Variants in C4orf50 observed in about 807,000 individuals in gnomAD.
The protein encoded by C4orf50 is chromosome 4 open reading frame 50.
Under a neutral mutation model 77.2 loss-of-function variants are expected in C4orf50, and 80 were observed. The ratio of observed to expected loss-of-function variants is 1.04; its 90% confidence interval spans 0.87 to 1.25. C4orf50 has a LOEUF of 1.25. Ranked by LOEUF, C4orf50 falls within the 50% of genes most tolerant of loss-of-function variation. The pLI is 0.00. For synonymous variants in C4orf50, 532 were observed against 465.3 expected (o/e 1.14, Z -1.84); for missense variants, 1,257 against 1,152.9 (o/e 1.09, Z -1.31).
At chr4:5,966,624 GTTATAA>G (rs1719582520) in intron 32 of C4orf50, among the ~76,000 whole-genome samples, 4 of 150,674 alleles carry the variant, frequency 2.7e-5, no homozygotes, top group Admixed American at 6.6e-5. Context: ...GAATTATACA[GTTATAA>G]TTATATGAAA....
At chr4:5,964,245 C>G (rs1170613221) in intron 33 of C4orf50, among the ~76,000 whole-genome samples, 1 of 152,146 alleles carries the variant, frequency 6.6e-6, no homozygotes, top group African/African-American at 2.4e-5. Flanking sequence ...TTGGGGCCGA[C>G]AGGGGAAAGG....
chr4:6,008,981 C>A lies in C4orf50; in HGVS notation c.427-449G>T, dbSNP rs1183642852. Among the ~76,000 whole-genome samples the A allele has an allele frequency of 6.6e-6, 1 of 152,228 alleles. No homozygotes were observed. Among genetic ancestry groups the A allele is most frequent in the Non-Finnish European group, 1.5e-5 (1 of 68,050 alleles). On this transcript the variant is annotated intron_variant, in intron 24 of 33. Coordinates refer to ENST00000531445, the Ensembl canonical transcript of C4orf50. This position sits in a 1 kb window ranked among gnomAD's most constrained non-coding sequence, Gnocchi z 6.0. ...CTACCTACAGGGTCAATGCTTGGCC[C>A]ACCCAGGGTCAGCTGGCCCCAGCAG...
At chr4:5,973,578 G>T in intron 31 of C4orf50, 81 bp downstream of exon 9, 1 of 1,193,852 alleles carries the variant, frequency 8.4e-7, no homozygotes, top group Non-Finnish European at 1.2e-6. Flanking sequence ...AGGAGGGGCT[G>T]CTCCAGTCAG....
At chr4:5,986,767 G>A (rs1255811719) in intron 28 of C4orf50, among the ~76,000 whole-genome samples, 1 of 152,050 alleles carries the variant, frequency 6.6e-6, no homozygotes, top group Non-Finnish European at 1.5e-5. Context: ...TCGAACTCCT[G>A]ACCTCATGAT....
At position 5,928,056 on chromosome 4, in the gene C4orf50, G is replaced by A. The variant is rs577052133; in HGVS notation, c.*2474+28845C>T. Among the ~76,000 whole-genome samples, 172 of 152,300 alleles carry A rather than the reference G, an allele frequency of 1.1e-3. 1 individual carries two copies. The highest frequency in any genetic ancestry group is 5.4e-4 in the Non-Finnish European group (37 of 68,040). ...TCCTGCAGGCCTCTGCAAATACGGA[G>A]CTCACATTAATGCGTGGAACTTGCA... is the stretch of plus-strand genomic sequence containing the variant. On this transcript the variant is annotated intron_variant, in intron 7 of 7. Transcript: ENST00000324058.
At chr4:5,936,583 A>G (rs1285719871) in intron 7 of C4orf50, among the ~76,000 whole-genome samples, 1 of 149,306 alleles carries the variant, frequency 6.7e-6, no homozygotes, top group African/African-American at 2.4e-5. Flanking sequence ...AAAAAAAAAA[A>G]GAAAGACAGA....
At chr4:5,910,536 A>G (rs1054154103) in intron 7 of C4orf50, among the ~76,000 whole-genome samples, 1 of 152,214 alleles carries the variant, frequency 6.6e-6, no homozygotes, top group Non-Finnish European at 1.5e-5. Flanking sequence ...TTCCTAAGGA[A>G]TTATCTAGAG....
At chr4:5,989,440 G>A (rs1426292712) in exon 28 of C4orf50, 23 of 1,536,010 alleles carry the variant, frequency 1.5e-5, no homozygotes, top group Admixed American at 9.8e-5. Flanking sequence ...TTTAGACTTC[G>A]CTTCTTCATT....
At chr4:5,988,698 C>T (rs1407266335) in exon 28 of C4orf50, 15 of 1,536,098 alleles carry the variant, frequency 9.8e-6, no homozygotes, top group African/African-American at 1.4e-5. Flanking sequence ...GCTCCCTTCC[C>T]CTCACCAAAC....
intron 25 of C4orf50, among the ~76,000 whole-genome samples, chr4:5,997,977 A>T (rs1392564649): frequency 2.6e-5 from 4 of 152,236 alleles, no homozygotes; most frequent in Non-Finnish European, 5.9e-5. Flanking sequence ...ATTTTTACCA[A>T]CTATAAGCAG....
intron 7 of C4orf50, among the ~76,000 whole-genome samples, chr4:5,948,144 T>C (rs1560557461): frequency 6.6e-6 from 1 of 152,108 alleles, no homozygotes; most frequent in Non-Finnish European, 1.5e-5. Flanking sequence ...GAGCAGGCAG[T>C]TAGTAAATGC....
In C4orf50 at chr4:5,990,002, A is replaced by G. The variant is rs371561061; in HGVS notation, c.2044T>C (p.Trp682Arg). Residue 682 changes from tryptophan to arginine, a missense_variant, in exon 28 of 34, where the codon TGG becomes CGG. Physicochemically the swap from Trp to Arg is moderately radical, Grantham distance 101 (BLOSUM62 -3). Coordinates refer to ENST00000531445, the Ensembl canonical transcript of C4orf50. ...GCGAGGAGCTGACTGTCTGTTGGCC[A>G]TGGCTCTTTGGTCTCATGAGCCCTG... is the stretch of plus-strand genomic sequence containing the variant. 7.1e-6 allele frequency: 10 copies of G among 1,400,940 alleles called. No homozygotes were observed. In the South Asian group the frequency reaches 7.2e-5, roughly 10 times the overall value. 86.8% of individuals were successfully genotyped at this position (1,400,940 alleles called of 1,614,324 possible). A position where few individuals can be genotyped will look rare whatever the true frequency, so the allele number is the denominator to read the frequency against.
chr4:6,004,128 A>ATGATGG (rs1301272158), intron 25 of C4orf50, among the ~76,000 whole-genome samples: 1 of 81,008 alleles, frequency 1.2e-5, no homozygotes, highest in Non-Finnish European at 2.5e-5. Flanking sequence ...GGTGATAGTG[A>ATGATGG]TGATGGTGAT....
At chr4:5,944,191 C>T (rs1421129050) in intron 7 of C4orf50, among the ~76,000 whole-genome samples, 2 of 152,204 alleles carry the variant, frequency 1.3e-5, no homozygotes, top group African/African-American at 4.8e-5. Flanking sequence ...TCATAGTGGA[C>T]AGTCTCTAAG....
downstream of C4orf50, among the ~76,000 whole-genome samples, chr4:5,953,413 C>T (rs1044589006): frequency 1.3e-5 from 2 of 152,230 alleles, no homozygotes; most frequent in Non-Finnish European, 2.9e-5. Flanking sequence ...ATCATCCCCA[C>T]TGCCTTGAGT....
chr4:5,934,190 G>A (rs1187678258), intron 7 of C4orf50, among the ~76,000 whole-genome samples: 2 of 151,980 alleles, frequency 1.3e-5, no homozygotes, highest in Admixed American at 6.6e-5. Context: ...GAGAGTAGAC[G>A]GCTGCATGGT....
chr4:6,005,683 G>A lies in C4orf50; in HGVS notation c.963+2313C>T, dbSNP rs900726808. Among the ~76,000 whole-genome samples the A allele has an allele frequency of 2.0e-5, 3 of 152,224 alleles. No individual in the cohort carries two copies. In the East Asian group the frequency reaches 5.8e-4, roughly 29 times the overall value. ...TGGGTAAACAGCACCTGTCTCACAA[G>A]GCTGTCCTAAGGATTACATGAGAAA... is the stretch of plus-strand genomic sequence containing the variant. On this transcript the variant is annotated intron_variant, in intron 25 of 33. Transcript: ENST00000531445.
At chr4:5,995,474 A>AAC (rs55858229) in intron 25 of C4orf50, among the ~76,000 whole-genome samples, 3,642 of 133,976 alleles carry the variant, frequency 0.027, 98 homozygotes, top group African/African-American at 0.064. Flanking sequence ...TGGGACTGGA[A>AAC]ACACACACAC....
At chr4:5,986,742 T>C (rs536626439) in intron 28 of C4orf50, among the ~76,000 whole-genome samples, 8 of 152,202 alleles carry the variant, frequency 5.3e-5, no homozygotes, top group African/African-American at 1.9e-4. Flanking sequence ...TTTCACCATA[T>C]TGGCCAGGCA....
Sources: allele counts gnomAD v4.1 joint callset (sites outside exome capture counted in the v4.1 genomes callset), GRCh38; gene constraint gnomAD v4.1.1; non-coding constraint Gnocchi (gnomAD v3.1); transcripts MANE v1.5; gene names NCBI Gene and HGNC (gene_info 2026-07-23, HGNC 2026-07-21).